The following DEF6 variants were observed in gnomAD, a reference collection of about 807,000 sequenced individuals.
DEF6 encodes DEF6 guanine nucleotide exchange factor, also known as differentially expressed in FDCP 6 homolog.
Under a neutral mutation model 80.5 loss-of-function variants are expected in DEF6, and 32 were observed. The ratio of observed to expected loss-of-function variants is 0.40; its 90% CI spans 0.30 to 0.53. The LOEUF is 0.53. DEF6 is among the 20% of genes least tolerant of loss of function. The probability of loss-of-function intolerance (pLI) is 0.57; values close to 1 mark genes in which losing one functional copy is unlikely to be tolerated. For missense variants in DEF6, 575 were observed against 818.7 expected (o/e 0.70, Z 3.63); for synonymous variants, 300 against 337.9 (o/e 0.89, Z 1.23).
intron 5 of DEF6, among the ~76,000 whole-genome samples, chr6:35,316,976 C>T (rs1439268707): frequency 6.6e-6 from 1 of 152,102 alleles, no homozygotes; most frequent in Non-Finnish European, 1.5e-5. Context: ...AAATATTTGT[C>T]CCTTTGTGTC....
intron 5 of DEF6, among the ~76,000 whole-genome samples, chr6:35,317,123 T>TTG (rs1192780508): frequency 6.6e-6 from 1 of 151,860 alleles, no homozygotes; most frequent in Non-Finnish European, 1.5e-5. Context: ...TTACCAACAG[T>TTG]TGTTTTTCCT....
intron 1 of DEF6, among the ~76,000 whole-genome samples, 159 bp downstream of exon 1, chr6:35,298,111 C>T (rs1011975545): frequency 7.9e-5 from 12 of 152,232 alleles, no homozygotes; most frequent in African/African-American, 2.9e-4. Context: ...ACTGGGCCAA[C>T]GTAGCCTGGT....
chr6:35,306,602 A>G (rs1393009776), intron 1 of DEF6, among the ~76,000 whole-genome samples: 2 of 152,182 alleles, frequency 1.3e-5, no homozygotes, highest in Admixed American at 6.5e-5. Context: ...CTTTCTGTAT[A>G]CAAATAAACA....
intron 1 of DEF6, among the ~76,000 whole-genome samples, chr6:35,305,578 A>ATG (rs1362161936): frequency 1.3e-5 from 2 of 150,778 alleles, no homozygotes; most frequent in Non-Finnish European, 1.5e-5. Context: ...GTGTGTGTGT[A>ATG]TGTGTGTGTG....
At chr6:35,311,765 C>T (rs1791469977) in intron 3 of DEF6, among the ~76,000 whole-genome samples, 1 of 152,212 alleles carries the variant, frequency 6.6e-6, no homozygotes, top group South Asian at 2.1e-4. Context: ...CACTCCCCAA[C>T]GCCTACCCCT....
intron 1 of DEF6, among the ~76,000 whole-genome samples, chr6:35,299,029 C>A (rs9469981): frequency 6.6e-6 from 1 of 152,154 alleles, no homozygotes; most frequent in Admixed American, 6.5e-5. Context: ...TGTGCCCCAC[C>A]ACCGTTCCAA....
intron 5 of DEF6, chr6:35,317,643 A>C: frequency 2.3e-6 from 1 of 441,970 alleles, no homozygotes; most frequent in African/African-American, 2.0e-5. Context: ...GCGATTATGT[A>C]CTGGGCCCCG....
At chr6:35,299,938 C>T (rs7769906) in intron 1 of DEF6, among the ~76,000 whole-genome samples, 102,889 of 151,974 alleles carry the variant, frequency 0.68, 37,977 homozygotes, top group Non-Finnish European at 0.82. Flanking sequence ...AAGGAGGAAG[C>T]AGACGAGAGA....
intron 1 of DEF6, among the ~76,000 whole-genome samples, chr6:35,305,678 A>G (rs1262952464): frequency 1.3e-5 from 2 of 151,830 alleles, no homozygotes; most frequent in African/African-American, 4.8e-5. Flanking sequence ...GGTTCAAGCA[A>G]TTCTCCTGCC....
chr6:35,302,319 A>G (rs1177629798), intron 1 of DEF6, among the ~76,000 whole-genome samples: 1 of 152,128 alleles, frequency 6.6e-6, no homozygotes. Context: ...TGGTTATACC[A>G]CTGCATTCCA....
At chr6:35,315,384 G>A (rs6924056) in intron 5 of DEF6, among the ~76,000 whole-genome samples, 3,387 of 152,114 alleles carry the variant, frequency 0.022, 68 homozygotes, top group Non-Finnish European at 0.029. Context: ...CAGGAAATGT[G>A]ATGCCTCCAG....
Position 35,321,510 on chromosome 6 carries a change from G to C in DEF6, c.*100G>C. Reference sequence around the variant, plus strand: ...AGCTCTTACTAGGAGAGGGAGCTGAGGTCCTGGTGCCAGGGGCCCAGGCCC... The same window carrying C: ...AGCTCTTACTAGGAGAGGGAGCTGACGTCCTGGTGCCAGGGGCCCAGGCCC... On this transcript the variant is annotated 3_prime_UTR_variant, in exon 11 of 11. Transcript: ENST00000316637. 1 of 1,169,388 alleles carries C rather than the reference G, an allele frequency of 8.6e-7. No homozygotes were observed. Among genetic ancestry groups the C allele is most frequent in the Non-Finnish European group, 1.2e-6 (1 of 828,842 alleles). 72.4% of individuals were successfully genotyped at this position (1,169,388 alleles called of 1,614,324 possible). A position where few individuals can be genotyped will look rare whatever the true frequency, so the allele number is the denominator to read the frequency against.
intron 5 of DEF6, among the ~76,000 whole-genome samples, chr6:35,315,872 G>T (rs1419499556): frequency 1.1e-4 from 11 of 98,654 alleles, no homozygotes; most frequent in African/African-American, 4.1e-4. Context: ...TTTTTTTTGA[G>T]GAGGAGGAGG....
rs1791454985 is a variant in DEF6, at chr6:35,310,561, T to C, written c.340T>C (p.Ser114Pro). ...AGATAGCAACGGGAACAGTATGCTC[T>C]CCAATCAGGATGCCTTCCGCCTCTG... The part of the protein sequence containing the change: ...RADSNGNSML[S>P]NQDAFRLWCL... The change falls in exon 3 of 11, where the codon TCC becomes CCC. Residue 114 changes from serine (S) to proline (P), a missense_variant. Ser to Pro is a moderately conservative substitution (Grantham distance 74). Coordinates refer to ENST00000316637, the MANE Select transcript of DEF6 (RefSeq NM_022047.4). 1.9e-6 allele frequency: 3 copies of C among 1,614,052 alleles called. No homozygotes were observed. The highest frequency in any genetic ancestry group is 2.7e-5 in the African/African-American group (2 of 74,910).
Position 35,321,663 on chromosome 6 carries a change from C to G in DEF6, c.*253C>G. The G allele has an allele frequency of 5.2e-6, 2 of 382,732 alleles. No individual in the cohort carries two copies. Among genetic ancestry groups the G allele is most frequent in the Non-Finnish European group, 9.3e-6 (2 of 214,780 alleles). The allele number at this position is 382,732 out of a possible 1,614,324, so 23.7% of individuals were successfully genotyped here. ...GCCCTGTGCTTTAGACCCAAGGACC[C>G]GATTCTTGGGCTAGGAAAGAGAGAA... is the stretch of plus-strand genomic sequence containing the variant. On this transcript the variant is annotated 3_prime_UTR_variant, in exon 11 of 11. Transcript: ENST00000316637.
chr6:35,303,657 T>G (rs919743645), intron 1 of DEF6, among the ~76,000 whole-genome samples: 1 of 151,980 alleles, frequency 6.6e-6, no homozygotes, highest in African/African-American at 2.4e-5. Context: ...AAAGCAGAAA[T>G]GGGTAGGGAT....
rs539238520 is a variant in DEF6, at chr6:35,309,652, C to T, written c.97-18C>T. The T allele has an allele frequency of 7.4e-6, 12 of 1,611,002 alleles. No individual in the cohort carries two copies. In the African/African-American group the frequency reaches 9.3e-5, roughly 13 times the overall value. ...GTTGGGGTGCAGAAAGACACACTGC[C>T]ACTCTACTCTATCCCAGGTGCTGTC... On this transcript the variant is annotated intron_variant, in intron 1 of 10. Transcript: ENST00000316637.
intron 1 of DEF6, among the ~76,000 whole-genome samples, chr6:35,298,953 T>G (rs1489265623): frequency 6.6e-6 from 1 of 152,122 alleles, no homozygotes; most frequent in Non-Finnish European, 1.5e-5. Context: ...CAAGGAAACC[T>G]CCATTCTTAA....
intron 1 of DEF6, among the ~76,000 whole-genome samples, chr6:35,298,617 A>G (rs953208760): frequency 6.6e-6 from 1 of 152,184 alleles, no homozygotes; most frequent in Non-Finnish European, 1.5e-5. Context: ...GAAAATCCCA[A>G]TCAATGATTG....
Sources: allele counts gnomAD v4.1 joint callset (sites outside exome capture counted in the v4.1 genomes callset), GRCh38; gene constraint gnomAD v4.1.1; transcripts MANE v1.5; gene names NCBI Gene and HGNC (gene_info 2026-07-23, HGNC 2026-07-21).